Variants in BRMS1L observed in about 807,000 individuals in gnomAD.
The protein encoded by BRMS1L is BRMS1 like transcriptional repressor.
In BRMS1L, 23 loss-of-function variants were observed where a neutral mutation model predicts 50.3. The ratio of observed to expected loss-of-function variants is 0.46; its 90% CI spans 0.33 to 0.65. The LOEUF is 0.65. BRMS1L is among the 30% of genes least tolerant of loss of function. BRMS1L has a pLI of 0.02. For synonymous variants in BRMS1L, 114 were observed against 126.9 expected, an observed-to-expected ratio of 0.90 and a Z score of 0.69; for missense variants, 286 against 386.1, an observed-to-expected ratio of 0.74 and a Z score of 2.17.
intron 1 of BRMS1L, among the ~76,000 whole-genome samples, chr14:35,827,877 G>A (rs143579597): frequency 6.6e-6 from 1 of 152,266 alleles, no homozygotes; most frequent in East Asian, 1.9e-4. Flanking sequence ...TGGGGTGGTG[G>A]GTATCCCTGC....
intron 4 of BRMS1L, among the ~76,000 whole-genome samples, chr14:35,849,974 C>T (rs1595669319): frequency 6.6e-6 from 1 of 151,814 alleles, no homozygotes; most frequent in East Asian, 1.9e-4. Flanking sequence ...CATGTGCCAC[C>T]AGGCCTGGCT....
intron 4 of BRMS1L, 104 bp downstream of exon 4, chr14:35,835,027 C>A: frequency 3.4e-6 from 2 of 587,616 alleles, no homozygotes; most frequent in Non-Finnish European, 5.1e-6. Flanking sequence ...TTAAATAGTA[C>A]TTTAGCTCAT....
At chr14:35,833,168 G>A in intron 3 of BRMS1L, 63 bp downstream of exon 3, 1 of 1,487,332 alleles carries the variant, frequency 6.7e-7, no homozygotes, top group Non-Finnish European at 9.1e-7. Context: ...TTTAAAAGGT[G>A]TTTATCAAGT....
chr14:35,853,035 TATC>T (rs757229075), intron 4 of BRMS1L, among the ~76,000 whole-genome samples: 7 of 149,852 alleles, frequency 4.7e-5, no homozygotes, highest in East Asian at 4.0e-4. Context: ...GAGAGAGACT[TATC>T]ATACTCACAC....
At chr14:35,832,549 C>T (rs2077936457) in intron 2 of BRMS1L, among the ~76,000 whole-genome samples, 1 of 151,758 alleles carries the variant, frequency 6.6e-6, no homozygotes, top group Non-Finnish European at 1.5e-5. Context: ...GTAATACTGA[C>T]TCCTTTTCAG....
chr14:35,862,035 T>C (rs2078358631), intron 4 of BRMS1L, among the ~76,000 whole-genome samples: 1 of 152,204 alleles, frequency 6.6e-6, no homozygotes, highest in Admixed American at 6.5e-5. Flanking sequence ...GTCTATGGTT[T>C]TGTAGAAAGA....
intron 9 of BRMS1L, 55 bp from the exon 10 acceptor site, chr14:35,870,305 G>A (rs977030367): frequency 5.4e-6 from 6 of 1,113,964 alleles, no homozygotes; most frequent in African/African-American, 3.2e-5. Flanking sequence ...ATAATCTAAA[G>A]TGAATTGAGG....
chr14:35,830,362 C>T (rs939044128), intron 1 of BRMS1L, among the ~76,000 whole-genome samples: 1 of 152,108 alleles, frequency 6.6e-6, no homozygotes, highest in Admixed American at 6.6e-5. Flanking sequence ...AGCCACCATG[C>T]CTGGCCTTTC....
chr14:35,833,245 C>A, intron 3 of BRMS1L, 140 bp downstream of exon 3: 1 of 807,448 alleles, frequency 1.2e-6, no homozygotes, highest in Non-Finnish European at 1.8e-6. Flanking sequence ...TTTTAGTTAG[C>A]CCACAGTTAC....
At chr14:35,852,824 A>C (rs949285567) in intron 4 of BRMS1L, among the ~76,000 whole-genome samples, 3 of 152,046 alleles carry the variant, frequency 2.0e-5, no homozygotes, top group Non-Finnish European at 4.4e-5. Context: ...CCAGCTACTC[A>C]GGAGGCTGAG....
intron 1 of BRMS1L, among the ~76,000 whole-genome samples, chr14:35,829,188 C>T (rs1470539343): frequency 3.3e-5 from 5 of 152,032 alleles, no homozygotes; most frequent in Non-Finnish European, 7.4e-5. Context: ...GTGATCCACC[C>T]GACTCTGCCT....
chr14:35,850,342 G>A (rs1048798587), intron 4 of BRMS1L, among the ~76,000 whole-genome samples: 4 of 151,686 alleles, frequency 2.6e-5, no homozygotes, highest in Non-Finnish European at 5.9e-5. Context: ...TGAGTAGCTG[G>A]GATTACAGGC....
rs187682550 is a variant in BRMS1L, at chr14:35,856,201, T to C, written c.442-6389T>C. 5.8e-4 allele frequency among the ~76,000 whole-genome samples: 89 copies of C among 152,256 alleles called. 1 individual carries two copies. The highest frequency in any genetic ancestry group is 7.9e-4 in the Non-Finnish European group (54 of 68,018). On this transcript the variant is annotated intron_variant, in intron 4 of 9. Coordinates refer to ENST00000216807, the MANE Select transcript of BRMS1L (RefSeq NM_032352.4). Reference sequence around the variant, plus strand: ...TTCACACAGGCATGCATACAGAAAGTGTCCCCAAAACCACAGGGGCAAGAG... The same window carrying C: ...TTCACACAGGCATGCATACAGAAAGCGTCCCCAAAACCACAGGGGCAAGAG...
intron 4 of BRMS1L, among the ~76,000 whole-genome samples, chr14:35,858,110 A>G (rs1258751450): frequency 6.6e-6 from 1 of 152,144 alleles, no homozygotes; most frequent in Admixed American, 6.5e-5. Flanking sequence ...TTCTCGTTTT[A>G]AAGTTAGGTG....
chr14:35,864,354 C>T (rs1168642722), intron 6 of BRMS1L, among the ~76,000 whole-genome samples: 3 of 152,014 alleles, frequency 2.0e-5, no homozygotes, highest in East Asian at 1.9e-4. Flanking sequence ...CTCAACCTCT[C>T]GGGCTCAGGT....
At chr14:35,833,615 A>C (rs995669339) in intron 3 of BRMS1L, among the ~76,000 whole-genome samples, 1 of 152,186 alleles carries the variant, frequency 6.6e-6, no homozygotes, top group South Asian at 2.1e-4. Flanking sequence ...TGTGGCTACA[A>C]ATAAACAAAG....
chr14:35,830,591 C>T (rs990488571), intron 1 of BRMS1L, among the ~76,000 whole-genome samples: 2 of 152,088 alleles, frequency 1.3e-5, no homozygotes, highest in African/African-American at 2.4e-5. Flanking sequence ...CGCTTGAGCT[C>T]GAGCAATCCT....
chr14:35,851,950 A>G (rs2078217184), intron 4 of BRMS1L, among the ~76,000 whole-genome samples: 1 of 152,192 alleles, frequency 6.6e-6, no homozygotes, highest in Non-Finnish European at 1.5e-5. Context: ...TTGACTATAC[A>G]TGGATGGGTT....
intron 4 of BRMS1L, among the ~76,000 whole-genome samples, chr14:35,844,197 G>C (rs1427421812): frequency 6.6e-6 from 1 of 152,164 alleles, no homozygotes; most frequent in Non-Finnish European, 1.5e-5. Context: ...GAAGTAAATG[G>C]TTCTTTCTCG....
Sources: allele counts gnomAD v4.1 joint callset (sites outside exome capture counted in the v4.1 genomes callset), GRCh38; gene constraint gnomAD v4.1.1; transcripts MANE v1.5; gene names NCBI Gene and HGNC (gene_info 2026-07-23, HGNC 2026-07-21).